The following CNKSR2 variants were observed in gnomAD, a reference collection of about 807,000 sequenced individuals.
CNKSR2 encodes CNK homolog protein 2.
A neutral mutation model predicts 84.4 loss-of-function variants in CNKSR2; 14 were observed. The observed-to-expected ratio is 0.17, with a 90% CI of 0.11 to 0.26. CNKSR2 has a LOEUF of 0.26. Ranked by LOEUF, CNKSR2 falls within the 10% of genes least tolerant of loss-of-function variation. The probability of loss-of-function intolerance (pLI) is 1.00; values close to 1 mark genes in which losing one functional copy is unlikely to be tolerated. For synonymous variants in CNKSR2, 275 were observed against 277.9 expected, an observed-to-expected ratio of 0.99 and a Z score of 0.10; for missense variants, 485 against 771.2, an observed-to-expected ratio of 0.63 and a Z score of 4.40.
intron 1 of CNKSR2, among the ~76,000 whole-genome samples, chrX:21,383,446 T>C (rs1000785735): frequency 8.9e-6 from 1 of 112,502 alleles, no homozygotes; most frequent in Non-Finnish European, 1.9e-5. Context: ...GTTTGAAAAA[T>C]CAAAATTTAT....
chrX:21,475,182 G>T (rs2091247424), intron 5 of CNKSR2, among the ~76,000 whole-genome samples: 1 of 111,496 alleles, frequency 9.0e-6, no homozygotes, highest in Non-Finnish European at 1.9e-5. Flanking sequence ...GTAACTGACG[G>T]AGTATTACTG....
chrX:21,389,318 A>G (rs1471780905), intron 1 of CNKSR2, among the ~76,000 whole-genome samples: 1 of 108,353 alleles, frequency 9.2e-6, no homozygotes, highest in Non-Finnish European at 1.9e-5. Context: ...TTAGCAATAT[A>G]ACAAGGTTGG....
At chrX:21,599,341 T>G (rs886918524) in intron 17 of CNKSR2, among the ~76,000 whole-genome samples, 2 of 15,864 alleles carry the variant, frequency 1.3e-4, no homozygotes, top group East Asian at 4.7e-3. Context: ...TTTGTTTTGG[T>G]GTGTGTGTGT....
At chrX:21,417,424 G>C (rs1469681940) in intron 1 of CNKSR2, among the ~76,000 whole-genome samples, 1 of 111,643 alleles carries the variant, frequency 9.0e-6, no homozygotes, top group East Asian at 2.8e-4. Flanking sequence ...ATGTCTGTTA[G>C]GTCCATTTGT....
At chrX:21,402,617 GTAAA>G (rs1228824430) in intron 1 of CNKSR2, among the ~76,000 whole-genome samples, 5 of 110,745 alleles carry the variant, frequency 4.5e-5, no homozygotes, top group African/African-American at 1.6e-4. Context: ...TGCTAAAATA[GTAAA>G]TAAATATTTT....
intron 8 of CNKSR2, among the ~76,000 whole-genome samples, chrX:21,514,769 T>A (rs1243005505): frequency 9.0e-6 from 1 of 111,657 alleles, no homozygotes; most frequent in Non-Finnish European, 1.9e-5. Context: ...TTATCATTAA[T>A]AAGTTGTTCC....
In CNKSR2 at chrX:21,469,677, G is replaced by A. The variant is rs754860821; in HGVS notation, c.520-1089G>A. Among the ~76,000 whole-genome samples the A allele has an allele frequency of 7.2e-5, 8 of 110,779 alleles. No individual in the cohort carries two copies. The South Asian group carries it at 3.1e-3, about 43-fold the overall frequency. On this transcript the variant is annotated intron_variant, in intron 4 of 21. Transcript: ENST00000379510. ...TGTAATCCCAGCACTTTGATCTGCC[G>A]AGGCGGGCAGATCATCTGAGGTTGG...
intron 5 of CNKSR2, among the ~76,000 whole-genome samples, chrX:21,481,099 A>G (rs1056643881): frequency 4.5e-5 from 5 of 111,916 alleles, no homozygotes; most frequent in African/African-American, 1.6e-4. Flanking sequence ...TGGGGGTTAA[A>G]TTTGTTAATA....
intron 17 of CNKSR2, 57 bp from the exon 18 acceptor site, chrX:21,601,225 A>G: frequency 1.5e-6 from 1 of 686,524 alleles, no homozygotes; most frequent in Non-Finnish European, 2.3e-6. Context: ...GTTTCTAGGA[A>G]GTAAAATATA....
Position 21,595,412 on chromosome X carries a change from T to A in CNKSR2, c.1976+17T>A. On this transcript the variant is annotated intron_variant, in intron 17 of 21. Transcript: ENST00000379510. ...TATGAACAGGTAAAGTATTTCAGAG[T>A]ATGTAGAAGGTCAGTGAGGCCTAGA... is the stretch of plus-strand genomic sequence containing the variant. 1 of 1,026,160 alleles carries A rather than the reference T, an allele frequency of 9.7e-7. No individual in the cohort carries two copies. Among genetic ancestry groups the A allele is most frequent in the Non-Finnish European group, 1.4e-6 (1 of 736,227 alleles). 84.6% of individuals were successfully genotyped at this position (1,026,160 alleles called of 1,213,427 possible). A position where few individuals can be genotyped will look rare whatever the true frequency, so the allele number is the denominator to read the frequency against.
intron 8 of CNKSR2, among the ~76,000 whole-genome samples, chrX:21,508,376 C>G (rs1374041830): frequency 2.7e-5 from 3 of 111,833 alleles, no homozygotes; most frequent in Non-Finnish European, 5.6e-5. Context: ...AAATATGTTA[C>G]TGCTCTTTTG....
At chrX:21,622,652 G>T (rs765837292) in intron 20 of CNKSR2, among the ~76,000 whole-genome samples, 137 of 111,299 alleles carry the variant, frequency 1.2e-3, no homozygotes, top group Non-Finnish European at 2.3e-3. Context: ...TGCCATAAAA[G>T]TTCTTCCCTG....
chrX:21,647,513 T>G (rs1490667132), intron 20 of CNKSR2, among the ~76,000 whole-genome samples: 1 of 112,052 alleles, frequency 8.9e-6, no homozygotes, highest in Non-Finnish European at 1.9e-5. Context: ...TGAAAAAAAT[T>G]GGCAGTATAG....
rs777765500 is a variant in CNKSR2 at position 21,654,196 on chromosome X, AAG to A, written c.*1677_*1678del. On this transcript the variant is annotated 3_prime_UTR_variant, in exon 22 of 22. Transcript: ENST00000379510. ...CAGTGTAATATTTTTATCATTTAAA[AAG>A]AACTCTATTTGTAAAAACATTTATT... 2 of 107,913 alleles carry A rather than the reference AAG, an allele frequency of 1.9e-5. No homozygotes were observed. The highest frequency in any genetic ancestry group is 6.7e-5 in the African/African-American group (2 of 29,645). The allele number at this position is 107,913 out of a possible 1,213,427, so 8.9% of individuals were successfully genotyped here.
chrX:21,543,981 C>T (rs1297125041), intron 11 of CNKSR2, among the ~76,000 whole-genome samples: 1 of 111,071 alleles, frequency 9.0e-6, no homozygotes, highest in Non-Finnish European at 1.9e-5. Context: ...ATCACCACGC[C>T]TGGCTAATTA....
At chrX:21,409,382 T>A (rs1217724888) in intron 1 of CNKSR2, among the ~76,000 whole-genome samples, 1 of 104,049 alleles carries the variant, frequency 9.6e-6, no homozygotes, top group Non-Finnish European at 2.0e-5. Context: ...TGCTCCTTCC[T>A]TTCTGAGTTT....
At chrX:21,538,320 C>G in intron 11 of CNKSR2, 1 of 111,612 alleles carries the variant, frequency 9.0e-6, no homozygotes, top group Non-Finnish European at 1.9e-5. Context: ...GATGGAGGTT[C>G]TTTTTATGTG....
At chrX:21,435,159 G>A (rs771219853) in intron 3 of CNKSR2, among the ~76,000 whole-genome samples, 10 of 109,281 alleles carry the variant, frequency 9.2e-5, no homozygotes, top group South Asian at 3.9e-4. Context: ...CCACTTTTCT[G>A]TTTTGGGCCT....
At chrX:21,403,479 A>T (rs760459914) in intron 1 of CNKSR2, among the ~76,000 whole-genome samples, 1 of 111,538 alleles carries the variant, frequency 9.0e-6, no homozygotes, top group African/African-American at 3.3e-5. Flanking sequence ...CGATTTCATG[A>T]CGGTGAGATA....
Sources: gnomAD v4.1 joint callset for allele counts (sites outside exome capture counted in the v4.1 genomes callset) on GRCh38, gnomAD v4.1.1 for gene constraint, MANE v1.5 for transcripts, NCBI Gene and HGNC (gene_info 2026-07-23, HGNC 2026-07-21) for gene names.